Variants in SGK3 observed in about 807,000 individuals in gnomAD.
SGK3 encodes serum/glucocorticoid regulated kinase family member 3.
A neutral mutation model predicts 68.5 loss-of-function variants in SGK3; 47 were observed. The ratio of observed to expected loss-of-function variants is 0.69; its 90% CI spans 0.54 to 0.87. The LOEUF (loss-of-function observed/expected upper bound fraction) is 0.87, where lower values mean the gene tolerates loss of function less well. Ranked by LOEUF, SGK3 falls within the 40% of genes least tolerant of loss-of-function variation. The probability of loss-of-function intolerance (pLI) is 0.00; values close to 1 mark genes in which losing one functional copy is unlikely to be tolerated. For synonymous variants in SGK3, 181 were observed against 189.1 expected (o/e 0.96, Z 0.35); for missense variants, 479 against 575.5 (o/e 0.83, Z 1.72).
chr8:66,766,416 G>A (rs1275722080), intron 1 of SGK3, among the ~76,000 whole-genome samples: 4 of 152,186 alleles, frequency 2.6e-5, no homozygotes, highest in African/African-American at 4.8e-5. Context: ...TCAGCTACTC[G>A]AGAGGCTGAA....
At chr8:66,847,132 T>G in intron 14 of SGK3, 61 bp from the exon 15 acceptor site, 1 of 1,569,292 alleles carries the variant, frequency 6.4e-7, no homozygotes, top group Non-Finnish European at 8.6e-7. Context: ...AAAGCCATTT[T>G]AACCCCATTT....
At chr8:66,728,597 G>A (rs1032991244) in intron 1 of SGK3, among the ~76,000 whole-genome samples, 6 of 152,070 alleles carry the variant, frequency 3.9e-5, no homozygotes, top group Admixed American at 3.9e-4. Context: ...AAAGTGCTGG[G>A]ATTACAGGTG....
intron 1 of SGK3, among the ~76,000 whole-genome samples, chr8:66,751,280 C>A (rs1434689711): frequency 1.3e-5 from 2 of 152,112 alleles, no homozygotes; most frequent in East Asian, 1.9e-4. Context: ...TTAAGAAAAT[C>A]TGTTCTTTGG....
At chr8:66,841,462 A>C (rs1226576326) in intron 13 of SGK3, among the ~76,000 whole-genome samples, 1 of 152,194 alleles carries the variant, frequency 6.6e-6, no homozygotes. Context: ...TAATCCTTTA[A>C]AAATCACAAA....
chr8:66,839,011 A>T (rs1243863175), intron 10 of SGK3, among the ~76,000 whole-genome samples: 2 of 152,176 alleles, frequency 1.3e-5, no homozygotes, highest in East Asian at 1.9e-4. Context: ...GCTAATGTCC[A>T]CATAGGAGAT....
chr8:66,741,477 G>T (rs1187789618), intron 1 of SGK3, among the ~76,000 whole-genome samples: 1 of 152,068 alleles, frequency 6.6e-6, no homozygotes, highest in Non-Finnish European at 1.5e-5. Context: ...TTGAACCTGG[G>T]AGGTGGAGGT....
At position 66,841,020 on chromosome 8, in the gene SGK3, T is replaced by A. The variant is rs1301692248; in HGVS notation, c.892-4T>A. 1.3e-6 allele frequency: 2 copies of A among 1,583,106 alleles called. No individual in the cohort carries two copies. Among genetic ancestry groups the A allele is most frequent in the African/African-American group, 2.7e-5 (2 of 73,008 alleles). Reference sequence around the variant, plus strand: ...TTTTATCTTACTGCCCCTGTATTTGTCAGGGACATGTTGTCTTAACAGATT... The same window carrying A: ...TTTTATCTTACTGCCCCTGTATTTGACAGGGACATGTTGTCTTAACAGATT... On this transcript the variant is annotated splice_polypyrimidine_tract_variant and splice_region_variant and intron_variant, in intron 12 of 16. Coordinates refer to ENST00000521198, the MANE Select transcript of SGK3 (RefSeq NM_001033578.3).
At chr8:66,839,087 G>GA (rs920670109) in intron 10 of SGK3, among the ~76,000 whole-genome samples, 1 of 151,928 alleles carries the variant, frequency 6.6e-6, no homozygotes, top group East Asian at 1.9e-4. Context: ...GGTATTTGGA[G>GA]AAAAAATAAC....
chr8:66,805,972 A>G (rs1302368724), intron 4 of SGK3, among the ~76,000 whole-genome samples: 3 of 152,222 alleles, frequency 2.0e-5, no homozygotes, highest in African/African-American at 7.2e-5. Flanking sequence ...ACTGTGTCCT[A>G]TATAATTCTG....
chr8:66,816,552 GTCAGGTTGGTCTCAA>G (rs1356546541), intron 5 of SGK3, among the ~76,000 whole-genome samples: 1 of 151,820 alleles, frequency 6.6e-6, no homozygotes, highest in Non-Finnish European at 1.5e-5. Context: ...CACCATGTTG[GTCAGGTTGGTCTCAA>G]TCTCCTGACT....
intron 1 of SGK3, among the ~76,000 whole-genome samples, chr8:66,744,621 C>T (rs1331219645): frequency 6.9e-6 from 1 of 145,060 alleles, no homozygotes; most frequent in East Asian, 2.1e-4. Context: ...AATTCTTCTG[C>T]CTCAGCCTCC....
chr8:66,719,791 A>ACT (rs1485404011), intron 1 of SGK3, among the ~76,000 whole-genome samples: 2 of 152,236 alleles, frequency 1.3e-5, no homozygotes, highest in African/African-American at 4.8e-5. Flanking sequence ...CCAAAGTAAT[A>ACT]CTTTTTTGGA....
chr8:66,759,749 G>A (rs1323891029), intron 1 of SGK3, among the ~76,000 whole-genome samples: 2 of 151,928 alleles, frequency 1.3e-5, no homozygotes, highest in Non-Finnish European at 2.9e-5. Flanking sequence ...TGCAAGCTCC[G>A]CCTCCTGGGT....
chr8:66,723,309 T>G (rs1804878851), intron 1 of SGK3, among the ~76,000 whole-genome samples: 2 of 150,074 alleles, frequency 1.3e-5, no homozygotes, highest in Non-Finnish European at 3.0e-5. Flanking sequence ...CCAGGCATGG[T>G]GGCTCATGCC....
chr8:66,800,845 G>A (rs935538266), intron 3 of SGK3, among the ~76,000 whole-genome samples: 2 of 152,192 alleles, frequency 1.3e-5, no homozygotes, highest in African/African-American at 2.4e-5. Context: ...TTAGCTGGGT[G>A]TAGTGGCACA....
At position 66,804,396 on chromosome 8, in the gene SGK3, A is replaced by G. The variant is rs1808070515; in HGVS notation, c.202A>G (p.Met68Val). The G allele has an allele frequency of 6.2e-6, 10 of 1,611,342 alleles. No homozygotes were observed. In the Admixed American group the frequency reaches 6.7e-5, roughly 11 times the overall value. ...TTAGTTAAAAAAACAGTTTCCTGCT[A>G]TGGCCCTGAAGATTCCTGCCAAGAG... ...YNTLKKQFPA[M>V]ALKIPAKRIF... Residue 68 changes from methionine (M) to valine (V), a missense_variant, in exon 4 of 17, where the codon ATG becomes GTG. Physicochemically the swap from Met to Val is conservative, Grantham distance 21. Around this residue, in one of 3 missense-constraint regions of SGK3, gnomAD observed 298 missense variants for 329.4 expected, o/e 0.90. Transcript: ENST00000521198.
rs761405263 is a variant in SGK3, at chr8:66,840,270, C to A, written c.891+23C>A. On this transcript the variant is annotated intron_variant, in intron 12 of 16. Transcript: ENST00000521198. ...GTAGTAAGTATTCTCTTTTAAAAATCTACTAGTTCTCAATTTTTGTTGTTG... is the reference window on the plus strand; with the variant it reads ...GTAGTAAGTATTCTCTTTTAAAAATATACTAGTTCTCAATTTTTGTTGTTG... 2.6e-6 allele frequency: 4 copies of A among 1,547,270 alleles called. No homozygotes were observed. The African/African-American group carries it at 4.2e-5, about 16-fold the overall frequency.
intron 1 of SGK3, among the ~76,000 whole-genome samples, chr8:66,785,901 T>C (rs1046204663): frequency 2.0e-5 from 3 of 152,226 alleles, no homozygotes; most frequent in Non-Finnish European, 2.9e-5. Flanking sequence ...CAAAATTATC[T>C]TCTGACTGTC....
rs533377652 is a variant in SGK3 at position 66,724,921 on chromosome 8, G to A, written c.-122+12088G>A. Among the ~76,000 whole-genome samples, 7 of 152,126 alleles carry A rather than the reference G, an allele frequency of 4.6e-5. 1 individual carries two copies. The highest frequency in any genetic ancestry group is 2.0e-4 in the Admixed American group (3 of 15,274). On this transcript the variant is annotated intron_variant, in intron 1 of 16. Coordinates refer to ENST00000521198, the MANE Select transcript of SGK3 (RefSeq NM_001033578.3). ...AGCCTGGCCAATATGACGAAACCCC[G>A]TCTCTACTAAAAATACAAAAATTGG...
Sources: gnomAD v4.1 joint callset for allele counts (sites outside exome capture counted in the v4.1 genomes callset) on GRCh38, gnomAD v4.1.1 for gene constraint, gnomAD v4.1.1 regional missense constraint, MANE v1.5 for transcripts, NCBI Gene and HGNC (gene_info 2026-07-23, HGNC 2026-07-21) for gene names.